The following ZNF521 variants were observed in gnomAD, a reference collection of about 807,000 sequenced individuals.
ZNF521 encodes the protein LYST-interacting protein 3.
Under a neutral mutation model 105.5 loss-of-function variants are expected in ZNF521, and 14 were observed. The ratio of observed to expected loss-of-function variants is 0.13; its 90% CI spans 0.09 to 0.21. The LOEUF (loss-of-function observed/expected upper bound fraction) is 0.21. ZNF521 is among the 10% of genes least tolerant of loss of function. ZNF521 has a pLI of 1.00. For missense variants in ZNF521, 1,233 were observed against 1,629.7 expected (o/e 0.76, Z 4.19); for synonymous variants, 635 against 606.0 (o/e 1.05, Z -0.70).
intron 5 of ZNF521, among the ~76,000 whole-genome samples, chr18:25,099,144 A>C (rs947654559): frequency 1.3e-5 from 2 of 152,188 alleles, no homozygotes. Context: ...TACACGAAGT[A>C]CCTAGAACAG....
intron 5 of ZNF521, among the ~76,000 whole-genome samples, chr18:25,122,607 C>G (rs2034464203): frequency 6.6e-6 from 1 of 152,066 alleles, no homozygotes; most frequent in African/African-American, 2.4e-5. Context: ...AAGTGAATTT[C>G]TAATATAGAT....
intron 5 of ZNF521, among the ~76,000 whole-genome samples, chr18:25,156,924 C>G (rs1345310978): frequency 6.6e-6 from 1 of 152,016 alleles, no homozygotes; most frequent in Admixed American, 6.6e-5. Context: ...ATAGAAATGG[C>G]AAAGGTGGCT....
chr18:25,233,587 A>G (rs1666360090), intron 3 of ZNF521, among the ~76,000 whole-genome samples: 1 of 152,100 alleles, frequency 6.6e-6, no homozygotes, highest in Non-Finnish European at 1.5e-5. Flanking sequence ...AGCAGCTGTG[A>G]AGAGCGGGAG....
In ZNF521 at chr18:25,336,112, A is replaced by C. The variant is rs180775742; in HGVS notation, c.41-13925T>G. Among the ~76,000 whole-genome samples the C allele has an allele frequency of 1.4e-3, 213 of 152,360 alleles. 1 individual carries two copies. The Middle Eastern group carries it at 0.027, about 19-fold the overall frequency. On this transcript the variant is annotated intron_variant, in intron 2 of 7. Coordinates refer to ENST00000361524, the MANE Select transcript of ZNF521 (RefSeq NM_015461.3). ...TAAAATTAAAGCACCGGCTAGACAC[A>C]GCCAGGCATGGATGGGAGTTAACCG... is the stretch of plus-strand genomic sequence containing the variant.
chr18:25,094,381 A>C (rs934136445), intron 5 of ZNF521, among the ~76,000 whole-genome samples: 2 of 152,144 alleles, frequency 1.3e-5, no homozygotes, highest in Non-Finnish European at 2.9e-5. Flanking sequence ...TTGCATCCCA[A>C]AATGTTAAAT....
intron 3 of ZNF521, among the ~76,000 whole-genome samples, chr18:25,261,812 T>C (rs1908930159): frequency 6.6e-6 from 1 of 152,164 alleles, no homozygotes; most frequent in African/African-American, 2.4e-5. Context: ...CTGAAAGTCC[T>C]ATATATTTAA....
chr18:25,121,375 C>T (rs2034440709), intron 5 of ZNF521, among the ~76,000 whole-genome samples: 1 of 151,752 alleles, frequency 6.6e-6, no homozygotes, highest in South Asian at 2.1e-4. Flanking sequence ...CTGCCTCAGC[C>T]TCGAGCAGCT....
At chr18:25,192,747 G>T (rs2035840333) in intron 5 of ZNF521, among the ~76,000 whole-genome samples, 1 of 151,306 alleles carries the variant, frequency 6.6e-6, no homozygotes, top group Non-Finnish European at 1.5e-5. Flanking sequence ...CTCAATGGAG[G>T]TATTTTAGCT....
At chr18:25,215,621 C>G (rs1282006943) in intron 4 of ZNF521, among the ~76,000 whole-genome samples, 4 of 152,074 alleles carry the variant, frequency 2.6e-5, no homozygotes, top group African/African-American at 9.7e-5. Flanking sequence ...ATTTGAAATA[C>G]AAAAACATTC....
At chr18:25,233,878 TG>T (rs1464868776) in intron 3 of ZNF521, among the ~76,000 whole-genome samples, 7 of 152,332 alleles carry the variant, frequency 4.6e-5, no homozygotes, top group Admixed American at 6.5e-5. Context: ...ATGTTTTGCT[TG>T]CTGTTGCTTA....
At chr18:25,167,903 T>C (rs1010312461) in intron 5 of ZNF521, among the ~76,000 whole-genome samples, 10 of 152,214 alleles carry the variant, frequency 6.6e-5, no homozygotes, top group Non-Finnish European at 8.8e-5. Flanking sequence ...TTCTGAAGTA[T>C]TGAATGGCTT....
intron 3 of ZNF521, among the ~76,000 whole-genome samples, chr18:25,318,143 C>G (rs1030843798): frequency 6.6e-6 from 1 of 152,090 alleles, no homozygotes. Context: ...ATAAAAAACA[C>G]ACTACTTATA....
At chr18:25,134,837 C>T (rs180726738) in intron 5 of ZNF521, among the ~76,000 whole-genome samples, 1 of 152,190 alleles carries the variant, frequency 6.6e-6, no homozygotes, top group East Asian at 1.9e-4. Flanking sequence ...CATCTTCCAG[C>T]TACCACAAAA....
At chr18:25,350,636 CTCTT>C (rs1005597818) in intron 2 of ZNF521, among the ~76,000 whole-genome samples, 15 of 151,466 alleles carry the variant, frequency 9.9e-5, no homozygotes, top group African/African-American at 3.6e-4. Context: ...CTCTCTCTCT[CTCTT>C]TTTTTTTTTC....
intron 4 of ZNF521, among the ~76,000 whole-genome samples, chr18:25,213,444 AAATT>A (rs1020739475): frequency 2.0e-5 from 3 of 151,894 alleles, no homozygotes; most frequent in Non-Finnish European, 4.4e-5. Context: ...GTGGTCAATT[AAATT>A]AATTGATTTC....
At chr18:25,324,612 A>T (rs1913109738) in intron 2 of ZNF521, among the ~76,000 whole-genome samples, 1 of 152,188 alleles carries the variant, frequency 6.6e-6, no homozygotes, top group Non-Finnish European at 1.5e-5. Context: ...TCTCAAAAAA[A>T]CTGATAACAC....
At chr18:25,320,588 C>T (rs1363277916) in intron 3 of ZNF521, among the ~76,000 whole-genome samples, 2 of 152,030 alleles carry the variant, frequency 1.3e-5, no homozygotes, top group Non-Finnish European at 1.5e-5. Context: ...CCAACTTTCT[C>T]TCAAATGATT....
chr18:25,212,537 AAATATATAT>A (rs2036207332), intron 4 of ZNF521, among the ~76,000 whole-genome samples: 1 of 98,886 alleles, frequency 1.0e-5, no homozygotes, highest in African/African-American at 4.7e-5. Flanking sequence ...AAAAAAAAAA[AAATATATAT>A]ATATATATAT....
At chr18:25,157,130 G>A (rs1240073755) in intron 5 of ZNF521, among the ~76,000 whole-genome samples, 7 of 151,988 alleles carry the variant, frequency 4.6e-5, no homozygotes, top group South Asian at 4.2e-4. Flanking sequence ...CCTGGGAGGC[G>A]GAGTTTGCAG....
Sources: allele counts gnomAD v4.1 joint callset (sites outside exome capture counted in the v4.1 genomes callset), GRCh38; gene constraint gnomAD v4.1.1; transcripts MANE v1.5; gene names NCBI Gene and HGNC (gene_info 2026-07-23, HGNC 2026-07-21).